CD44: variants seen among roughly 807,000 people sequenced by gnomAD.
CD44 encodes CD44 antigen.
CD44 carries 49 observed loss-of-function variants against 88.8 expected under a neutral mutation model. That is an observed-to-expected ratio of 0.55 (90% CI 0.44 to 0.70). The LOEUF is 0.70. Among genes scored for constraint, CD44 ranks in the 30% least tolerant of loss-of-function variants. CD44 has a pLI of 0.00. For synonymous variants in CD44, 325 were observed against 312.3 expected (o/e 1.04, Z -0.43); for missense variants, 883 against 913.8 (o/e 0.97, Z 0.43).
chr11:35,159,434 G>T (rs1942316435), intron 1 of CD44, among the ~76,000 whole-genome samples: 1 of 152,132 alleles, frequency 6.6e-6, no homozygotes, highest in Non-Finnish European at 1.5e-5. Context: ...TGAGATGAAA[G>T]AGCAGATTAT....
chr11:35,222,792 T>A (rs927569351), intron 17 of CD44: 4 of 984,994 alleles, frequency 4.1e-6, no homozygotes, highest in Non-Finnish European at 4.8e-6. Context: ...CTTTTGTAAA[T>A]GTCCCTTTAG....
At chr11:35,197,008 C>T (rs1223624571) in intron 6 of CD44, 134 bp downstream of exon 6, 14 of 796,170 alleles carry the variant, frequency 1.8e-5, no homozygotes, top group Non-Finnish European at 2.2e-5. Context: ...TCAGAAGGAT[C>T]ATTAACTCTG....
Position 35,142,370 on chromosome 11 carries a change from T to C in CD44, c.67+3000T>C, listed in dbSNP as rs187943118. The stretch of plus-strand genomic sequence containing the variant: ...ATGCACATGTATGTTTATTGTGGCA[T>C]TATTCACAATAGCAAAGACTTGGAA... On this transcript the variant is annotated intron_variant, in intron 1 of 17. Coordinates refer to ENST00000428726, the MANE Select transcript of CD44 (RefSeq NM_000610.4). Among the ~76,000 whole-genome samples, 768 of 152,268 alleles carry C rather than the reference T, an allele frequency of 5.0e-3. 2 individuals carry two copies. Among genetic ancestry groups the C allele is most frequent in the Non-Finnish European group, 8.2e-3 (559 of 68,022 alleles).
At chr11:35,207,956 T>A (rs1255822159) in intron 11 of CD44, 149 bp from the exon 12 acceptor site, 1 of 577,592 alleles carries the variant, frequency 1.7e-6, no homozygotes, top group Non-Finnish European at 3.1e-6. Context: ...GAAACAATAA[T>A]CTATCTCAGT....
chr11:35,180,576 T>G (rs960615830), intron 3 of CD44, among the ~76,000 whole-genome samples, 169 bp downstream of exon 3: 3 of 152,178 alleles, frequency 2.0e-5, no homozygotes, highest in African/African-American at 7.2e-5. Context: ...CATGCTAAAT[T>G]GGGGAGGCAA....
At chr11:35,221,843 T>C (rs574794367) in intron 17 of CD44, 111 bp downstream of exon 17, 2 of 976,200 alleles carry the variant, frequency 2.0e-6, no homozygotes, top group South Asian at 2.6e-5. Flanking sequence ...CTGGGTACCC[T>C]GGGAGTTTGT....
At chr11:35,211,673 CAT>C (rs1491470163) in intron 14 of CD44, among the ~76,000 whole-genome samples, 8 of 77,130 alleles carry the variant, frequency 1.0e-4, no homozygotes, top group South Asian at 5.1e-4. Flanking sequence ...TCTGTGTTTG[CAT>C]GTGTGTGTGT....
intron 3 of CD44, among the ~76,000 whole-genome samples, chr11:35,182,215 A>T (rs1485730428): frequency 6.6e-6 from 1 of 151,354 alleles, no homozygotes; most frequent in African/African-American, 2.4e-5. Flanking sequence ...AAAAAACCCA[A>T]AAATTAAAAT....
chr11:35,149,235 GT>G lies in CD44; in HGVS notation c.67+9867del, dbSNP rs1859824311. On this transcript the variant is annotated intron_variant, in intron 1 of 17. Coordinates refer to ENST00000428726, the MANE Select transcript of CD44 (RefSeq NM_000610.4). ...ACCATGCTAGAGGAATAAAAGGGCA[GT>G]TGTTTCTTTCGGTCAATGGTTTGAA... Among the ~76,000 whole-genome samples the G allele has an allele frequency of 3.3e-5, 5 of 152,340 alleles. No individual in the cohort carries two copies. In the East Asian group the frequency reaches 9.6e-4, roughly 29 times the overall value.
intron 1 of CD44, among the ~76,000 whole-genome samples, chr11:35,150,940 C>A (rs1860203796): frequency 6.6e-6 from 1 of 152,122 alleles, no homozygotes; most frequent in Non-Finnish European, 1.5e-5. Flanking sequence ...AAGTGGAAGA[C>A]CTAGTTTCTG....
chr11:35,207,876 C>T (rs1301013262), intron 11 of CD44, among the ~76,000 whole-genome samples: 3 of 152,204 alleles, frequency 2.0e-5, no homozygotes, highest in Non-Finnish European at 2.9e-5. Context: ...CAAAAACAAA[C>T]ACACAGCATA....
intron 5 of CD44, among the ~76,000 whole-genome samples, chr11:35,191,656 C>T (rs1299887044): frequency 6.6e-6 from 1 of 152,134 alleles, no homozygotes; most frequent in East Asian, 1.9e-4. Context: ...CCTAAAGTAC[C>T]ACTTCCCACC....
chr11:35,175,450 A>G (rs1944349427), intron 1 of CD44, among the ~76,000 whole-genome samples: 1 of 152,276 alleles, frequency 6.6e-6, no homozygotes, highest in South Asian at 2.1e-4. Context: ...GTGAGTATGT[A>G]TATTTGTGTG....
intron 1 of CD44, among the ~76,000 whole-genome samples, chr11:35,150,038 G>A (rs1859998632): frequency 6.6e-6 from 1 of 151,126 alleles, no homozygotes; most frequent in South Asian, 2.1e-4. Flanking sequence ...TTAACTGCAG[G>A]ATCTGAACAC....
At chr11:35,196,495 T>A (rs976368579) in intron 5 of CD44, among the ~76,000 whole-genome samples, 1 of 149,828 alleles carries the variant, frequency 6.7e-6, no homozygotes, top group African/African-American at 2.5e-5. Flanking sequence ...TCCAGCAAAA[T>A]TTTTAAATCT....
chr11:35,166,641 C>T (rs1198049223), intron 1 of CD44, among the ~76,000 whole-genome samples: 1 of 152,182 alleles, frequency 6.6e-6, no homozygotes, highest in African/African-American at 2.4e-5. Context: ...CTCCAGGCTC[C>T]ACGGAAAAAA....
intron 15 of CD44, among the ~76,000 whole-genome samples, chr11:35,218,673 G>C (rs938011867): frequency 1.3e-5 from 2 of 152,072 alleles, no homozygotes; most frequent in Non-Finnish European, 2.9e-5. Flanking sequence ...GAGATTTTCA[G>C]GTTCCCTTTG....
Position 35,208,088 on chromosome 11 carries a change from AATATTG to A in CD44, c.1415-14_1415-9del, listed in dbSNP as rs780189767. 1 of 1,444,014 alleles carries A rather than the reference AATATTG, an allele frequency of 6.9e-7. No homozygotes were observed. The highest frequency in any genetic ancestry group is 9.7e-7 in the Non-Finnish European group (1 of 1,025,830). The allele number at this position is 1,444,014 out of a possible 1,614,324, so 89.5% of individuals were successfully genotyped here. A position where few individuals can be genotyped will look rare whatever the true frequency, so the allele number is the denominator to read the frequency against. ...GTTTGGGAAATCAAGCAATAACACT[AATATTG>A]ATTCCTTCAGATATGGACTCCAGTC... On this transcript the variant is annotated splice_polypyrimidine_tract_variant and intron_variant, in intron 11 of 17. Coordinates refer to ENST00000428726, the MANE Select transcript of CD44 (RefSeq NM_000610.4).
intron 5 of CD44, among the ~76,000 whole-genome samples, chr11:35,195,257 G>A (rs1302794673): frequency 2.0e-5 from 3 of 152,158 alleles, no homozygotes; most frequent in Admixed American, 6.5e-5. Context: ...CATTCTTTCT[G>A]CAGAGGGGGA....
Sources: gnomAD v4.1 joint callset for allele counts (sites outside exome capture counted in the v4.1 genomes callset) on GRCh38, gnomAD v4.1.1 for gene constraint, MANE v1.5 for transcripts, NCBI Gene and HGNC (gene_info 2026-07-23, HGNC 2026-07-21) for gene names.